Variants in FAF1 observed in about 807,000 individuals in gnomAD.
FAF1 encodes Fas associated factor 1.
FAF1 carries 25 observed loss-of-function variants against 92.5 expected under a neutral mutation model. The observed-to-expected ratio is 0.27, with a 90% CI of 0.20 to 0.38. The LOEUF (loss-of-function observed/expected upper bound fraction) is 0.38. Among genes scored for constraint, FAF1 ranks in the 10% least tolerant of loss-of-function variants. The probability of loss-of-function intolerance (pLI) is 1.00; values close to 1 mark genes in which losing one functional copy is unlikely to be tolerated. For synonymous variants in FAF1, 234 were observed against 273.2 expected (o/e 0.86, Z 1.42); for missense variants, 636 against 793.3 (o/e 0.80, Z 2.38).
chr1:50,836,102 C>T (rs949242589), intron 2 of FAF1, among the ~76,000 whole-genome samples: 6 of 151,120 alleles, frequency 4.0e-5, no homozygotes, highest in African/African-American at 1.2e-4. Context: ...ATAGGATGTA[C>T]ATAAATACTC....
At chr1:50,729,030 CTATCTATA>C (rs1280048780) in intron 6 of FAF1, among the ~76,000 whole-genome samples, 4 of 74,514 alleles carry the variant, frequency 5.4e-5, no homozygotes, top group South Asian at 4.7e-4. Flanking sequence ...ATCTATCTAT[CTATCTATA>C]TATATATATA....
chr1:50,680,980 T>C (rs554458545), intron 7 of FAF1, among the ~76,000 whole-genome samples: 43 of 152,180 alleles, frequency 2.8e-4, no homozygotes, highest in African/African-American at 1.0e-3. Context: ...TGCATTTACA[T>C]ATACAAACTA....
intron 8 of FAF1, among the ~76,000 whole-genome samples, chr1:50,641,752 C>T (rs1459473602): frequency 6.6e-6 from 1 of 152,048 alleles, no homozygotes; most frequent in Non-Finnish European, 1.5e-5. Flanking sequence ...TTCTGTAAAC[C>T]ACTGAGAAAG....
At chr1:50,667,940 T>A (rs1655706284) in intron 7 of FAF1, among the ~76,000 whole-genome samples, 1 of 152,256 alleles carries the variant, frequency 6.6e-6, no homozygotes, top group Non-Finnish European at 1.5e-5. Context: ...CGTGATGTGA[T>A]GTTTATGTTT....
At chr1:50,911,315 G>T (rs1460780418) in intron 1 of FAF1, among the ~76,000 whole-genome samples, 3 of 151,212 alleles carry the variant, frequency 2.0e-5, no homozygotes, top group Non-Finnish European at 4.4e-5. Context: ...CAAGTGATCT[G>T]CCTGCCTCGG....
At chr1:50,870,930 G>A (rs1203451946) in intron 1 of FAF1, among the ~76,000 whole-genome samples, 1 of 152,138 alleles carries the variant, frequency 6.6e-6, no homozygotes, top group East Asian at 1.9e-4. Context: ...CTTAAAGCAA[G>A]GTTTTTTTGC....
intron 1 of FAF1, among the ~76,000 whole-genome samples, chr1:50,885,609 C>A (rs12068606): frequency 1.3e-5 from 2 of 152,022 alleles, no homozygotes; most frequent in African/African-American, 4.8e-5. Context: ...AGGCAACAGA[C>A]CATTTGGGTC....
chr1:50,578,179 C>T (rs1038789744), intron 12 of FAF1, among the ~76,000 whole-genome samples: 23 of 152,038 alleles, frequency 1.5e-4, no homozygotes, highest in Admixed American at 1.2e-3. Context: ...TTTTTATTTA[C>T]TCTTGGAACT....
intron 6 of FAF1, among the ~76,000 whole-genome samples, chr1:50,730,199 A>G (rs1199113698): frequency 6.6e-6 from 1 of 152,122 alleles, no homozygotes; most frequent in African/African-American, 2.4e-5. Context: ...CATATTTTAT[A>G]TAAAATTTTC....
At chr1:50,729,058 A>ACTTT (rs1553132916) in intron 6 of FAF1, among the ~76,000 whole-genome samples, 3 of 70,132 alleles carry the variant, frequency 4.3e-5, no homozygotes, top group Non-Finnish European at 8.1e-5. Flanking sequence ...ATATATATAT[A>ACTTT]TTTTTTTTTT....
rs760445644 is a variant in FAF1 at position 50,819,802 on chromosome 1, C to CATAT, written c.115-18129_115-18126dup. Among the ~76,000 whole-genome samples the CATAT allele has an allele frequency of 3.1e-4, 27 of 86,200 alleles. 1 individual carries two copies. The highest frequency in any genetic ancestry group is 1.7e-3 in the South Asian group (4 of 2,332). 56.6% of individuals were successfully genotyped at this position (86,200 alleles called of 152,430 possible). A position where few individuals can be genotyped will look rare whatever the true frequency, so the allele number is the denominator to read the frequency against. The stretch of plus-strand genomic sequence containing the variant: ...ACATATATATACATATATATATATA[C>CATAT]ATATATATATATATATAGTATTGTA... On this transcript the variant is annotated intron_variant, in intron 2 of 18. Coordinates refer to ENST00000396153, the MANE Select transcript of FAF1 (RefSeq NM_007051.3).
chr1:50,895,646 A>G (rs1644752161), intron 1 of FAF1, among the ~76,000 whole-genome samples: 1 of 152,198 alleles, frequency 6.6e-6, no homozygotes, highest in Admixed American at 6.5e-5. Flanking sequence ...ATCCTTAACA[A>G]AATACTAACA....
chr1:50,881,418 C>T (rs768755775), intron 1 of FAF1, among the ~76,000 whole-genome samples: 7 of 152,044 alleles, frequency 4.6e-5, no homozygotes, highest in Admixed American at 6.6e-5. Flanking sequence ...CCTGAAAGAC[C>T]GAAAACTTAA....
intron 1 of FAF1, among the ~76,000 whole-genome samples, chr1:50,909,589 T>G (rs1644868147): frequency 6.6e-6 from 1 of 152,192 alleles, no homozygotes. Context: ...TGCTCTTTTT[T>G]CTCTAAACTT....
chr1:50,655,385 C>T, intron 8 of FAF1, 57 bp downstream of exon 8: 3 of 1,122,606 alleles, frequency 2.7e-6, no homozygotes, highest in East Asian at 2.3e-5. Flanking sequence ...GCCAATTAGA[C>T]TGAAAGTGGC....
At chr1:50,785,772 C>T (rs922961925) in intron 4 of FAF1, among the ~76,000 whole-genome samples, 2 of 152,146 alleles carry the variant, frequency 1.3e-5, no homozygotes, top group Admixed American at 1.3e-4. Flanking sequence ...ACCATCTAAT[C>T]CAGCAATCCC....
At position 50,834,251 on chromosome 1, in the gene FAF1, C is replaced by T. The variant is rs371996853; in HGVS notation, c.114+23678G>A. On this transcript the variant is annotated intron_variant, in intron 2 of 18. Transcript: ENST00000396153. ...GGCCTCCCCAGCCATGTTTCCTGTA[C>T]GGCCTGCAGAACTGTAAGCCAATTA... Among the ~76,000 whole-genome samples the T allele has an allele frequency of 2.5e-4, 38 of 152,312 alleles. No homozygotes were observed. In the South Asian group the frequency reaches 4.6e-3, roughly 18 times the overall value.
At chr1:50,447,565 G>A (rs1326755911) in intron 18 of FAF1, among the ~76,000 whole-genome samples, 1 of 152,162 alleles carries the variant, frequency 6.6e-6, no homozygotes, top group Non-Finnish European at 1.5e-5. Flanking sequence ...TCTCTAGACT[G>A]TGTGCTGATA....
At chr1:50,699,205 C>G (rs1397602226) in intron 7 of FAF1, among the ~76,000 whole-genome samples, 1 of 152,000 alleles carries the variant, frequency 6.6e-6, no homozygotes, top group Non-Finnish European at 1.5e-5. Flanking sequence ...GATGTATATT[C>G]CTAAATTTGA....
Sources: allele counts gnomAD v4.1 joint callset (sites outside exome capture counted in the v4.1 genomes callset), GRCh38; gene constraint gnomAD v4.1.1; transcripts MANE v1.5; gene names NCBI Gene and HGNC (gene_info 2026-07-23, HGNC 2026-07-21).